The following RANGAP1 variants were observed in gnomAD, a reference collection of about 807,000 sequenced individuals.
RANGAP1 encodes the protein Ran GTPase activating protein 1, also known as ran GTPase-activating protein 1.
In RANGAP1, 38 loss-of-function variants were observed where a neutral mutation model predicts 63.5. The ratio of observed to expected loss-of-function variants is 0.60; its 90% CI spans 0.46 to 0.78. The LOEUF (loss-of-function observed/expected upper bound fraction) is 0.78, where lower values mean the gene tolerates loss of function less well. Ranked by LOEUF, RANGAP1 falls within the 30% of genes least tolerant of loss-of-function variation. The pLI is 0.00. For missense variants in RANGAP1, 630 were observed against 740.3 expected (o/e 0.85, Z 1.73); for synonymous variants, 329 against 310.5 (o/e 1.06, Z -0.63).
intron 14 of RANGAP1, 76 bp downstream of exon 14, chr22:41,249,653 G>C: frequency 6.4e-7 from 1 of 1,553,034 alleles, no homozygotes; most frequent in Non-Finnish European, 8.9e-7. Flanking sequence ...AGGGAGGTTG[G>C]CGGGCATGGC....
intron 15 of RANGAP1, among the ~76,000 whole-genome samples, chr22:41,247,367 C>A (rs759737906): frequency 1.3e-4 from 20 of 151,616 alleles, no homozygotes; most frequent in Non-Finnish European, 2.2e-4. Flanking sequence ...TTGTTTTTTT[C>A]TTGAGACAGG....
rs778657857 is a variant in RANGAP1 at position 41,246,567 on chromosome 22, A to T, written c.*36T>A. ...GTTCATCCGAGTCCCTCCCCAGCTC[A>T]CTGGTCCAGGCCAAGGGATGGGAGA... On this transcript the variant is annotated 3_prime_UTR_variant, in exon 16 of 16. Transcript: ENST00000356244. 4.7e-6 allele frequency: 7 copies of T among 1,502,008 alleles called. No individual in the cohort carries two copies. In the East Asian group the frequency reaches 1.7e-4, roughly 36 times the overall value. The allele number at this position is 1,502,008 out of a possible 1,614,324, so 93.0% of individuals were successfully genotyped here.
At chr22:41,280,094 C>CA (rs995481922) in intron 2 of RANGAP1, among the ~76,000 whole-genome samples, 47 of 143,024 alleles carry the variant, frequency 3.3e-4, no homozygotes, top group Middle Eastern at 3.5e-3. Context: ...GACTCCATCT[C>CA]AAAAAAAAAA....
chr22:41,285,649 G>A, intron 1 of RANGAP1: 4 of 985,438 alleles, frequency 4.1e-6, no homozygotes, highest in Non-Finnish European at 4.8e-6. Context: ...CAAATGATAG[G>A]CGGGCGGCGC....
At chr22:41,254,277 G>A (rs777987748) in intron 11 of RANGAP1, 31 bp downstream of exon 11, 2 of 1,613,258 alleles carry the variant, frequency 1.2e-6, no homozygotes, top group Non-Finnish European at 1.7e-6. Context: ...CAGGACCAGG[G>A]CTCTGATTGT....
At chr22:41,263,796 G>T (rs1450141533) in intron 5 of RANGAP1, among the ~76,000 whole-genome samples, 3 of 152,226 alleles carry the variant, frequency 2.0e-5, no homozygotes, top group Non-Finnish European at 4.4e-5. Context: ...CTCACGTCAG[G>T]CCGAGGGACA....
rs374020469 is a variant in RANGAP1 at position 41,249,468 on chromosome 22, G to A, written c.1573-17C>T. On this transcript the variant is annotated splice_polypyrimidine_tract_variant and intron_variant, in intron 14 of 15. Transcript: ENST00000356244. The stretch of plus-strand genomic sequence containing the variant: ...GTCTTCACTCTGAGAGGAACACAGC[G>A]AAAAGCGGGGTGAGCTTCAAAGTCA... The A allele has an allele frequency of 1.0e-5, 16 of 1,605,546 alleles. No homozygotes were observed. Among genetic ancestry groups the A allele is most frequent in the African/African-American group, 5.6e-5 (4 of 71,176 alleles).
chr22:41,251,835 T>A (rs1436676750), intron 12 of RANGAP1, among the ~76,000 whole-genome samples: 1 of 152,048 alleles, frequency 6.6e-6, no homozygotes, highest in East Asian at 1.9e-4. Flanking sequence ...TGAGAAGAGT[T>A]TTATGGGCAC....
chr22:41,258,468 G>A (rs2033973155), intron 6 of RANGAP1, among the ~76,000 whole-genome samples: 1 of 152,142 alleles, frequency 6.6e-6, no homozygotes, highest in South Asian at 2.1e-4. Flanking sequence ...TTCTCTGGAT[G>A]ACATAGCTCC....
At chr22:41,281,773 G>T in intron 1 of RANGAP1, 2 of 394,640 alleles carry the variant, frequency 5.1e-6, no homozygotes, top group Non-Finnish European at 3.5e-6. Context: ...CAGAAGATTT[G>T]GGTAGAAATG....
intron 4 of RANGAP1, among the ~76,000 whole-genome samples, chr22:41,266,079 G>A (rs2034455776): frequency 6.6e-6 from 1 of 152,122 alleles, no homozygotes; most frequent in South Asian, 2.1e-4. Context: ...GCGGGCGCCT[G>A]TAGTCCCAGC....
chr22:41,261,611 G>A, intron 5 of RANGAP1, 31 bp from the exon 6 acceptor site: 1 of 1,613,888 alleles, frequency 6.2e-7, no homozygotes, highest in Non-Finnish European at 8.5e-7. Flanking sequence ...CCCTGGTCAT[G>A]GGCAGGAGCC....
upstream of RANGAP1, among the ~76,000 whole-genome samples, chr22:41,288,516 C>T (rs1017764555): frequency 6.6e-6 from 1 of 152,180 alleles, no homozygotes; most frequent in African/African-American, 2.4e-5. Context: ...TGTGCTGCTT[C>T]CAGCTAGGAC....
At chr22:41,263,571 G>C (rs753986126) in intron 5 of RANGAP1, among the ~76,000 whole-genome samples, 2 of 152,198 alleles carry the variant, frequency 1.3e-5, no homozygotes, top group Non-Finnish European at 2.9e-5. Context: ...TTTTAGTAGA[G>C]ATGGGGTTTC....
chr22:41,274,073 G>A (rs894025915), intron 3 of RANGAP1, among the ~76,000 whole-genome samples: 8 of 152,130 alleles, frequency 5.3e-5, no homozygotes, highest in Admixed American at 6.6e-5. Flanking sequence ...GTGAGACTCC[G>A]TCTCAAAAAA....
intron 5 of RANGAP1, 25 bp from the exon 6 acceptor site, chr22:41,261,605 G>A: frequency 1.2e-6 from 2 of 1,614,028 alleles, no homozygotes; most frequent in Non-Finnish European, 1.7e-6. Flanking sequence ...AAGGGGCCCT[G>A]GTCATGGGCA....
chr22:41,294,944 C>A, the RANGAP1 span, among the ~76,000 whole-genome samples: 1 of 116,546 alleles, frequency 8.6e-6, no homozygotes, highest in East Asian at 2.9e-4. Flanking sequence ...GATCAGCCCC[C>A]CGCCCGGCCA....
chr22:41,261,391 A>C, intron 6 of RANGAP1, 55 bp downstream of exon 6: 1 of 1,609,426 alleles, frequency 6.2e-7, no homozygotes, highest in South Asian at 1.1e-5. Flanking sequence ...CTGTCAGCCT[A>C]CTATGCCGAG....
chr22:41,272,691 T>G (rs2034909248), intron 3 of RANGAP1, among the ~76,000 whole-genome samples: 1 of 152,088 alleles, frequency 6.6e-6, no homozygotes, highest in Non-Finnish European at 1.5e-5. Context: ...CAGCAAATTT[T>G]TGTATTTTGA....
Sources: allele counts gnomAD v4.1 joint callset (sites outside exome capture counted in the v4.1 genomes callset), GRCh38; gene constraint gnomAD v4.1.1; transcripts MANE v1.5; gene names NCBI Gene and HGNC (gene_info 2026-07-23, HGNC 2026-07-21).